CDH13: variants seen among roughly 807,000 people sequenced by gnomAD.
CDH13 encodes the protein cadherin 13.
Under a neutral mutation model 63.8 loss-of-function variants are expected in CDH13, and 24 were observed. That is an observed-to-expected ratio of 0.38 (90% CI 0.27 to 0.53). CDH13 has a LOEUF of 0.53. CDH13 is among the 20% of genes least tolerant of loss of function. The pLI is 0.85. For synonymous variants in CDH13, 503 were observed against 355.3 expected (o/e 1.42, Z -4.67); for missense variants, 1,049 against 903.1 (o/e 1.16, Z -2.07).
chr16:83,242,883 T>C (rs1442201944), intron 5 of CDH13, among the ~76,000 whole-genome samples: 3 of 152,204 alleles, frequency 2.0e-5, no homozygotes, highest in Non-Finnish European at 4.4e-5. Context: ...CTTCTCTGGC[T>C]CAGAGGGGAG....
chr16:83,505,749 G>A, intron 7 of CDH13, among the ~76,000 whole-genome samples: 1 of 151,988 alleles, frequency 6.6e-6, no homozygotes, highest in East Asian at 1.9e-4. Flanking sequence ...CTCCATGTTG[G>A]TTAGGCTGGT....
rs1207782676 is a variant in CDH13 at position 83,047,665 on chromosome 16, T to C, written c.366+15447T>C. Among the ~76,000 whole-genome samples, 2 of 152,244 alleles carry C rather than the reference T, an allele frequency of 1.3e-5. No individual in the cohort carries two copies. The highest frequency in any genetic ancestry group is 4.1e-4 in the South Asian group (2 of 4,830). On this transcript the variant is annotated intron_variant, in intron 3 of 13. Transcript: ENST00000567109. The surrounding 1 kb of genome is among the most constrained non-coding windows in gnomAD (Gnocchi z 4.9). ...ACTGACTTGTTCGTTGCTATAAATC[T>C]AGCACTTACAATATCTGGCTGTGAA...
At chr16:82,858,629 T>TA in intron 2 of CDH13, 156 bp downstream of exon 2, 1 of 688,652 alleles carries the variant, frequency 1.5e-6, no homozygotes, top group South Asian at 1.6e-5. Flanking sequence ...AATTCTTGAA[T>TA]GAGGGCCTGG....
At chr16:82,684,535 T>A (rs746945617) in intron 1 of CDH13, among the ~76,000 whole-genome samples, 5 of 152,118 alleles carry the variant, frequency 3.3e-5, no homozygotes, top group Non-Finnish European at 7.4e-5. Context: ...TACCACAGAC[T>A]CACCATCTCA....
At chr16:83,111,002 C>CAAAAAAAAAAAAAA (rs398030036) in intron 3 of CDH13, among the ~76,000 whole-genome samples, 9 of 106,268 alleles carry the variant, frequency 8.5e-5, no homozygotes, top group East Asian at 3.2e-4. Context: ...TAGGTTGTTG[C>CAAAAAAAAAAAAAA]AAAAAAAAAA....
chr16:83,396,352 TC>T (rs1034753560), intron 6 of CDH13, among the ~76,000 whole-genome samples: 5 of 152,194 alleles, frequency 3.3e-5, no homozygotes, highest in Admixed American at 2.0e-4. Context: ...ATGTCAATGA[TC>T]AGCTATTGAG....
intron 9 of CDH13, among the ~76,000 whole-genome samples, chr16:83,675,859 G>A (rs1002900163): frequency 6.6e-6 from 1 of 152,234 alleles, no homozygotes; most frequent in Non-Finnish European, 1.5e-5. Context: ...TGTTGCACAA[G>A]TCTAGTGCTA....
chr16:83,057,054 A>G (rs1048645980), intron 3 of CDH13, among the ~76,000 whole-genome samples: 1 of 151,868 alleles, frequency 6.6e-6, no homozygotes, highest in Non-Finnish European at 1.5e-5. Context: ...GCAACCTCTG[A>G]CTCCCTGGTT....
intron 2 of CDH13, among the ~76,000 whole-genome samples, chr16:82,995,604 C>G (rs969124689): frequency 6.6e-6 from 1 of 152,114 alleles, no homozygotes; most frequent in African/African-American, 2.4e-5. Context: ...AAAAAAAGTC[C>G]TTTTTGCTTT....
intron 1 of CDH13, among the ~76,000 whole-genome samples, chr16:82,848,504 T>C (rs1041636792): frequency 6.6e-6 from 1 of 152,218 alleles, no homozygotes; most frequent in African/African-American, 2.4e-5. Context: ...TCTTTCCTTT[T>C]TTTAAATTAT....
At position 82,790,288 on chromosome 16, in the gene CDH13, A is replaced by C. The variant is rs558461143; in HGVS notation, c.46-68074A>C. ...CATCTCTACTAAAAACACAAAAATT[A>C]GCTGGGCATGGTGGTGTGCACCTGT... On this transcript the variant is annotated intron_variant, in intron 1 of 13. Transcript: ENST00000567109. Among the ~76,000 whole-genome samples the C allele has an allele frequency of 2.6e-5, 4 of 152,190 alleles. No homozygotes were observed. In the East Asian group the frequency reaches 7.8e-4, roughly 30 times the overall value.
chr16:83,488,019 C>T (rs1043854323), intron 7 of CDH13, among the ~76,000 whole-genome samples: 5 of 152,210 alleles, frequency 3.3e-5, no homozygotes, highest in Admixed American at 1.3e-4. Context: ...TCATTTGTCT[C>T]TGAAGAAGAT....
At chr16:83,623,958 A>T (rs1567462080) in intron 8 of CDH13, among the ~76,000 whole-genome samples, 2 of 152,316 alleles carry the variant, frequency 1.3e-5, no homozygotes, top group East Asian at 1.9e-4. Context: ...GTTGTTAGGA[A>T]CAGAAATCCA....
intron 2 of CDH13, among the ~76,000 whole-genome samples, chr16:82,881,277 G>A (rs376769968): frequency 9.9e-5 from 15 of 152,180 alleles, no homozygotes; most frequent in Admixed American, 2.6e-4. Context: ...TGAAGTCTCC[G>A]GAAAGCTGAC....
chr16:83,302,190 G>C (rs962855375), intron 5 of CDH13, among the ~76,000 whole-genome samples: 4 of 152,174 alleles, frequency 2.6e-5, no homozygotes, highest in African/African-American at 9.7e-5. Context: ...TGACATCATA[G>C]AAAATGTGCC....
intron 1 of CDH13, among the ~76,000 whole-genome samples, chr16:82,698,390 A>G (rs1366372312): frequency 6.6e-6 from 1 of 152,258 alleles, no homozygotes; most frequent in Non-Finnish European, 1.5e-5. Flanking sequence ...AGAATGTATC[A>G]GGTAGCTTTT....
intron 5 of CDH13, among the ~76,000 whole-genome samples, chr16:83,290,198 C>A (rs1367238315): frequency 6.6e-6 from 1 of 152,160 alleles, no homozygotes; most frequent in Non-Finnish European, 1.5e-5. Flanking sequence ...GGGAACTAAC[C>A]ACATTCAATT....
chr16:83,664,611 T>G (rs1284579597), intron 8 of CDH13, among the ~76,000 whole-genome samples: 1 of 151,970 alleles, frequency 6.6e-6, no homozygotes, highest in African/African-American at 2.4e-5. Flanking sequence ...GAAAATGTTC[T>G]CATACGTTTT....
rs184974231 is a variant in CDH13, at chr16:83,738,640, G to T, written c.1539-9468G>T. Among the ~76,000 whole-genome samples the T allele has an allele frequency of 8.5e-4, 130 of 152,286 alleles. 4 individuals are homozygous for T. In the East Asian group the frequency reaches 0.02, roughly 24 times the overall value. On this transcript the variant is annotated intron_variant, in intron 10 of 13. Transcript: ENST00000567109. ...AAAGGGTTTTGGGCCAGGTGTGGTG[G>T]CTCAAGCCTGTAATCCCAGCACTTT...
Sources: gnomAD v4.1 joint callset for allele counts (sites outside exome capture counted in the v4.1 genomes callset) on GRCh38, gnomAD v4.1.1 for gene constraint, Gnocchi (gnomAD v3.1) non-coding constraint, MANE v1.5 for transcripts, NCBI Gene and HGNC (gene_info 2026-07-23, HGNC 2026-07-21) for gene names.